Variants in BANK1 observed in about 807,000 individuals in gnomAD.
The protein encoded by BANK1 is B cell scaffold protein with ankyrin repeats 1, also known as B-cell scaffold protein with ankyrin repeats.
A neutral mutation model predicts 94.5 loss-of-function variants in BANK1; 95 were observed. That is an observed-to-expected ratio of 1.00 (90% CI 0.85 to 1.19). The LOEUF (loss-of-function observed/expected upper bound fraction) is 1.19. BANK1 is among the 50% of genes most tolerant of loss of function. The probability of loss-of-function intolerance (pLI) is 0.00; values close to 1 mark genes in which losing one functional copy is unlikely to be tolerated. For missense variants in BANK1, 987 were observed against 932.2 expected (o/e 1.06, Z -0.77); for synonymous variants, 334 against 308.4 (o/e 1.08, Z -0.87).
intron 7 of BANK1, among the ~76,000 whole-genome samples, chr4:101,966,658 G>A (rs989227205): frequency 6.6e-6 from 1 of 151,990 alleles, no homozygotes; most frequent in East Asian, 1.9e-4. Context: ...CTGCTCTCAG[G>A]CACATTTCAA....
chr4:102,041,755 C>G (rs1727711506), intron 10 of BANK1, among the ~76,000 whole-genome samples: 1 of 151,954 alleles, frequency 6.6e-6, no homozygotes, highest in South Asian at 2.1e-4. Context: ...GAATATAAGC[C>G]CTGGTGAAAT....
rs56803425 is a variant in BANK1, at chr4:101,957,493, G to A, written c.1206+39304G>A. Among the ~76,000 whole-genome samples the A allele has an allele frequency of 5.6e-3, 847 of 152,256 alleles. 14 individuals carry two copies. The East Asian group carries it at 0.057, about 10-fold the overall frequency. On this transcript the variant is annotated intron_variant, in intron 7 of 16. Coordinates refer to ENST00000322953, the MANE Select transcript of BANK1 (RefSeq NM_017935.5). ...TTTTCTCGATTGAGTTCTCGTCTAT[G>A]AGTCCACAAAGACTCACAAGCTTAG...
At chr4:101,848,814 CT>C (rs1727352713) in intron 2 of BANK1, among the ~76,000 whole-genome samples, 1 of 152,208 alleles carries the variant, frequency 6.6e-6, no homozygotes, top group African/African-American at 2.4e-5. Flanking sequence ...GGGTCTCTAA[CT>C]TTTAGGCATT....
intron 1 of BANK1, among the ~76,000 whole-genome samples, chr4:101,810,033 C>G (rs1725688200): frequency 6.6e-6 from 1 of 152,006 alleles, no homozygotes; most frequent in Admixed American, 6.6e-5. Context: ...CACAATGATC[C>G]TAAGAGTGAA....
At chr4:101,941,520 C>T (rs1367544786) in intron 7 of BANK1, among the ~76,000 whole-genome samples, 1 of 151,680 alleles carries the variant, frequency 6.6e-6, no homozygotes, top group East Asian at 1.9e-4. Context: ...ACTTTTTCTT[C>T]TTATATGAGT....
At chr4:101,934,872 A>G (rs1288442028) in intron 7 of BANK1, among the ~76,000 whole-genome samples, 1 of 151,524 alleles carries the variant, frequency 6.6e-6, no homozygotes, top group Non-Finnish European at 1.5e-5. Flanking sequence ...CACTTATTTT[A>G]TGAGCCGTGT....
At chr4:101,956,344 C>G (rs1183311645) in intron 7 of BANK1, among the ~76,000 whole-genome samples, 3 of 152,182 alleles carry the variant, frequency 2.0e-5, no homozygotes, top group East Asian at 3.9e-4. Context: ...CTTATCATGT[C>G]TTTGCCTTCA....
chr4:102,045,344 G>A (rs900354335), intron 11 of BANK1, among the ~76,000 whole-genome samples: 4 of 152,020 alleles, frequency 2.6e-5, no homozygotes, highest in African/African-American at 9.7e-5. Flanking sequence ...ATACTGAATG[G>A]GCAAAAACTG....
intron 11 of BANK1, among the ~76,000 whole-genome samples, chr4:102,053,314 GTT>G (rs1728117523): frequency 6.6e-6 from 1 of 152,134 alleles, no homozygotes; most frequent in South Asian, 2.1e-4. Flanking sequence ...AGTTGCTCAT[GTT>G]TAAAAGCACC....
chr4:101,847,339 G>A (rs1727287962), intron 2 of BANK1, among the ~76,000 whole-genome samples: 1 of 151,208 alleles, frequency 6.6e-6, no homozygotes, highest in African/African-American at 2.4e-5. Context: ...GAGAAGTTTG[G>A]GGTATTTATT....
chr4:101,830,181 T>C lies in BANK1; in HGVS notation c.444T>C (p.Ser148=). The C allele has an allele frequency of 6.5e-7, 1 of 1,548,878 alleles. No homozygotes were observed. ...AACAGGAACCTGAAGACTACATCTC[T>C]GTAATCCAGAGTATCATATTCAAAG... ...STEQEPEDYI[S]VIQSIIFKDS... is the part of the protein sequence containing the mutation. The change falls in exon 2 of 17, where the codon TCT becomes TCC. Residue 148 remains serine, a synonymous_variant. Coordinates refer to ENST00000322953, the MANE Select transcript of BANK1 (RefSeq NM_017935.5).
chr4:101,924,082 G>A (rs552970333), intron 7 of BANK1, among the ~76,000 whole-genome samples: 1 of 151,640 alleles, frequency 6.6e-6, no homozygotes, highest in Non-Finnish European at 1.5e-5. Flanking sequence ...TTAATGCAAC[G>A]TGTATGATAT....
At chr4:101,886,500 G>C (rs540618376) in intron 5 of BANK1, among the ~76,000 whole-genome samples, 8 of 152,160 alleles carry the variant, frequency 5.3e-5, no homozygotes, top group Non-Finnish European at 1.0e-4. Flanking sequence ...ATTTTTGAGA[G>C]ACATTGTTTT....
intron 6 of BANK1, among the ~76,000 whole-genome samples, chr4:101,899,013 C>T (rs1329098170): frequency 6.6e-6 from 1 of 151,902 alleles, no homozygotes; most frequent in Non-Finnish European, 1.5e-5. Context: ...AAAATCAACA[C>T]TGAGGAGATT....
At chr4:101,957,793 A>G (rs992325158) in intron 7 of BANK1, among the ~76,000 whole-genome samples, 18 of 149,970 alleles carry the variant, frequency 1.2e-4, no homozygotes, top group African/African-American at 3.9e-4. Flanking sequence ...TGTGAAAACT[A>G]TCTTTAGGTT....
chr4:101,997,522 A>G lies in BANK1; in HGVS notation c.1207-23992A>G, dbSNP rs116319439. On this transcript the variant is annotated intron_variant, in intron 7 of 16. Transcript: ENST00000322953. ...AAGGAATGGTACCAGCTCCTCTTGTAGAATTTAGCTGTGAATCCATCTGGT... is the reference window on the plus strand; with the variant it reads ...AAGGAATGGTACCAGCTCCTCTTGTGGAATTTAGCTGTGAATCCATCTGGT... Among the ~76,000 whole-genome samples, 643 of 151,304 alleles carry G rather than the reference A, an allele frequency of 4.2e-3. 9 individuals are homozygous for G. Among genetic ancestry groups the G allele is most frequent in the African/African-American group, 0.015 (631 of 41,416 alleles).
At chr4:101,799,009 T>C (rs1725257532) in intron 1 of BANK1, among the ~76,000 whole-genome samples, 1 of 152,222 alleles carries the variant, frequency 6.6e-6, no homozygotes, top group South Asian at 2.1e-4. Context: ...CCATTGCTTT[T>C]GGTGTTTTAG....
chr4:101,843,525 C>A (rs1727135773), intron 2 of BANK1, among the ~76,000 whole-genome samples: 2 of 152,180 alleles, frequency 1.3e-5, no homozygotes, highest in African/African-American at 2.4e-5. Flanking sequence ...TTCCCATAAC[C>A]CTGGAACCCA....
At chr4:101,950,844 C>G (rs1450478382) in intron 7 of BANK1, among the ~76,000 whole-genome samples, 1 of 152,094 alleles carries the variant, frequency 6.6e-6, no homozygotes, top group Non-Finnish European at 1.5e-5. Flanking sequence ...AAAATGGTGG[C>G]TCCACCATTG....
Sources: gnomAD v4.1 joint callset for allele counts (sites outside exome capture counted in the v4.1 genomes callset) on GRCh38, gnomAD v4.1.1 for gene constraint, MANE v1.5 for transcripts, NCBI Gene and HGNC (gene_info 2026-07-23, HGNC 2026-07-21) for gene names.